NAV2: variants seen among roughly 807,000 people sequenced by gnomAD.
The protein encoded by NAV2 is neuron navigator 2.
NAV2 carries 54 observed loss-of-function variants against 223.2 expected under a neutral mutation model. That is an observed-to-expected ratio of 0.24 (90% CI 0.19 to 0.30). NAV2 has a LOEUF of 0.30. NAV2 is among the 10% of genes least tolerant of loss of function. The probability of loss-of-function intolerance (pLI) is 1.00; values close to 1 mark genes in which losing one functional copy is unlikely to be tolerated. For missense variants in NAV2, 2,806 were observed against 3,147.5 expected (o/e 0.89, Z 2.60); for synonymous variants, 1,279 against 1,239.3 (o/e 1.03, Z -0.67).
intron 6 of NAV2, among the ~76,000 whole-genome samples, chr11:19,897,786 T>C (rs761321199): frequency 6.6e-6 from 1 of 151,650 alleles, no homozygotes; most frequent in Admixed American, 6.6e-5. Flanking sequence ...CTGCAAGTTG[T>C]TTGTTGTATC....
At chr11:19,962,200 TA>T (rs1183963197) in intron 10 of NAV2, among the ~76,000 whole-genome samples, 1 of 151,546 alleles carries the variant, frequency 6.6e-6, no homozygotes, top group Non-Finnish European at 1.5e-5. Context: ...AGTCTTGAGG[TA>T]GAATCCCCTC....
At chr11:19,691,524 A>G (rs1435586202) in intron 1 of NAV2, among the ~76,000 whole-genome samples, 1 of 152,174 alleles carries the variant, frequency 6.6e-6, no homozygotes, top group African/African-American at 2.4e-5. Context: ...AGTGGGTCTC[A>G]GCCCCACTTC....
At chr11:20,016,738 G>C (rs1296606412) in intron 11 of NAV2, among the ~76,000 whole-genome samples, 1 of 151,964 alleles carries the variant, frequency 6.6e-6, no homozygotes, top group East Asian at 1.9e-4. Context: ...ACTCACGCCT[G>C]TAATTCCAGC....
At chr11:19,994,629 T>C (rs2051690189) in intron 11 of NAV2, among the ~76,000 whole-genome samples, 2 of 151,904 alleles carry the variant, frequency 1.3e-5, no homozygotes, top group South Asian at 4.2e-4. Flanking sequence ...TAAGATCTGA[T>C]TGAAATAAGC....
chr11:19,574,031 A>G (rs2045500922), intron 1 of NAV2, among the ~76,000 whole-genome samples: 3 of 152,216 alleles, frequency 2.0e-5, no homozygotes, highest in African/African-American at 7.2e-5. Flanking sequence ...GCTGCAAGGC[A>G]GGGCCAAACC....
At chr11:19,759,637 C>T (rs540196626) in intron 1 of NAV2, among the ~76,000 whole-genome samples, 1 of 152,126 alleles carries the variant, frequency 6.6e-6, no homozygotes, top group African/African-American at 2.4e-5. Context: ...GGGGTTGGCT[C>T]CCACATCAGG....
At chr11:19,454,641 G>T (rs1283152752) in intron 1 of NAV2, among the ~76,000 whole-genome samples, 1 of 152,186 alleles carries the variant, frequency 6.6e-6, no homozygotes, top group Non-Finnish European at 1.5e-5. Flanking sequence ...CAGTCCTTCT[G>T]TCATGGAGCC....
intron 26 of NAV2, 100 bp downstream of exon 26, chr11:20,083,279 A>T (rs1469348533): frequency 2.1e-6 from 2 of 945,644 alleles, no homozygotes; most frequent in Non-Finnish European, 3.2e-6. Context: ...GCTCCTTGGG[A>T]TCCTTTATGC....
chr11:19,798,994 G>A (rs2058076950), intron 1 of NAV2, among the ~76,000 whole-genome samples: 1 of 152,196 alleles, frequency 6.6e-6, no homozygotes, highest in African/African-American at 2.4e-5. Context: ...AAATGCATGA[G>A]GTGGTTAAGG....
chr11:19,696,163 C>CA (rs1301470588), intron 1 of NAV2, among the ~76,000 whole-genome samples: 1 of 150,386 alleles, frequency 6.6e-6, no homozygotes. Flanking sequence ...TCAATCACAT[C>CA]GGGAAAAAAA....
intron 1 of NAV2, among the ~76,000 whole-genome samples, chr11:19,715,771 C>A (rs1371729920): frequency 6.6e-6 from 1 of 152,192 alleles, no homozygotes; most frequent in Non-Finnish European, 1.5e-5. Context: ...CCCTCTTTTG[C>A]CCTTGGTCCA....
At chr11:19,604,269 C>T (rs1590658726) in intron 1 of NAV2, among the ~76,000 whole-genome samples, 1 of 152,030 alleles carries the variant, frequency 6.6e-6, no homozygotes, top group Non-Finnish European at 1.5e-5. Flanking sequence ...GCTACTGCAA[C>T]AGTTAGGATG....
At chr11:19,509,359 C>G (rs2043208885) in intron 1 of NAV2, among the ~76,000 whole-genome samples, 1 of 152,184 alleles carries the variant, frequency 6.6e-6, no homozygotes, top group African/African-American at 2.4e-5. Flanking sequence ...AGCATGAGTG[C>G]TGGGGCCCCA....
Position 19,502,180 on chromosome 11 carries a change from C to T in NAV2, c.75+151153C>T, listed in dbSNP as rs116102668. ...TTGAGAATATGCCTCAGTAGTTAAGCACATGGTCTCAGGAACAAAAATATC... is the reference window on the plus strand; with the variant it reads ...TTGAGAATATGCCTCAGTAGTTAAGTACATGGTCTCAGGAACAAAAATATC... On this transcript the variant is annotated intron_variant, in intron 1 of 37. Transcript: ENST00000360655. Among the ~76,000 whole-genome samples the T allele has an allele frequency of 5.0e-3, 760 of 152,212 alleles. 9 individuals are homozygous for T. The highest frequency in any genetic ancestry group is 0.017 in the African/African-American group (716 of 41,536).
intron 36 of NAV2, 125 bp from the exon 37 acceptor site, chr11:20,114,467 G>A: frequency 1.2e-6 from 1 of 814,810 alleles, no homozygotes. Flanking sequence ...TGGAATAGAA[G>A]TGGAATTACT....
intron 1 of NAV2, among the ~76,000 whole-genome samples, chr11:19,496,461 G>C (rs1329135953): frequency 6.6e-6 from 1 of 152,240 alleles, no homozygotes; most frequent in African/African-American, 2.4e-5. Context: ...TGGCAAGTTA[G>C]TGCTGATTGC....
chr11:19,740,747 G>T (rs1418271210), intron 1 of NAV2, among the ~76,000 whole-genome samples: 3 of 152,140 alleles, frequency 2.0e-5, no homozygotes, highest in African/African-American at 7.2e-5. Flanking sequence ...TCTCGGGCAT[G>T]TTATCAGCAT....
intron 1 of NAV2, among the ~76,000 whole-genome samples, chr11:19,811,593 A>G (rs377732591): frequency 1.9e-4 from 29 of 152,334 alleles, no homozygotes; most frequent in African/African-American, 6.5e-4. Context: ...CTTTTACAGG[A>G]AATCTAATTG....
At chr11:19,674,099 G>T (rs2048650784) in intron 1 of NAV2, among the ~76,000 whole-genome samples, 3 of 152,196 alleles carry the variant, frequency 2.0e-5, no homozygotes, top group Admixed American at 2.0e-4. Context: ...TCTGGCCTGG[G>T]TTGTGGAAGG....
Sources: gnomAD v4.1 joint callset for allele counts (sites outside exome capture counted in the v4.1 genomes callset) on GRCh38, gnomAD v4.1.1 for gene constraint, MANE v1.5 for transcripts, NCBI Gene and HGNC (gene_info 2026-07-23, HGNC 2026-07-21) for gene names.